YEATS2: variants seen among roughly 807,000 people sequenced by gnomAD.
YEATS2 encodes the protein YEATS domain containing 2.
Under a neutral mutation model 163.2 loss-of-function variants are expected in YEATS2, and 77 were observed. The observed-to-expected ratio is 0.47, with a 90% CI of 0.39 to 0.57. YEATS2 has a LOEUF of 0.57. Ranked by LOEUF, YEATS2 falls within the 20% of genes least tolerant of loss-of-function variation. The probability of loss-of-function intolerance (pLI) is 0.00; values close to 1 mark genes in which losing one functional copy is unlikely to be tolerated. For missense variants in YEATS2, 1,549 were observed against 1,729.8 expected (o/e 0.90, Z 1.85); for synonymous variants, 631 against 645.1 (o/e 0.98, Z 0.33).
chr3:183,742,689 C>T (rs1719100610), intron 8 of YEATS2, among the ~76,000 whole-genome samples: 1 of 151,056 alleles, frequency 6.6e-6, no homozygotes, highest in South Asian at 2.1e-4. Flanking sequence ...CATAAACTTA[C>T]TTAATAAAGC....
intron 1 of YEATS2, among the ~76,000 whole-genome samples, chr3:183,703,632 A>G (rs534394545): frequency 2.0e-5 from 3 of 152,270 alleles, no homozygotes; most frequent in Non-Finnish European, 4.4e-5. Context: ...TAGGTGGAGA[A>G]ATTTTAATTG....
rs1188666665 is a variant in YEATS2 at position 183,756,491 on chromosome 3, T to C, written c.1391-37T>C. 2.0e-6 allele frequency: 3 copies of C among 1,508,332 alleles called. No homozygotes were observed. In the African/African-American group the frequency reaches 4.2e-5, roughly 21 times the overall value. 93.4% of individuals were successfully genotyped at this position (1,508,332 alleles called of 1,614,324 possible). A position where few individuals can be genotyped will look rare whatever the true frequency, so the allele number is the denominator to read the frequency against. On this transcript the variant is annotated intron_variant, in intron 11 of 30. Coordinates refer to ENST00000305135, the MANE Select transcript of YEATS2 (RefSeq NM_018023.5). ...CATCTTCTTACGTGAGTTGAATATG[T>C]GTATTTTGTTTGTATTCTCTCTTTT...
chr3:183,712,764 A>ATT (rs35062693), intron 1 of YEATS2, among the ~76,000 whole-genome samples: 22,201 of 146,332 alleles, frequency 0.15, 1,908 homozygotes, highest in South Asian at 0.2. Flanking sequence ...ACTAATACAA[A>ATT]TTTTTTTTTT....
intron 23 of YEATS2, among the ~76,000 whole-genome samples, chr3:183,799,347 G>A (rs970657266): frequency 2.6e-5 from 4 of 152,212 alleles, no homozygotes; most frequent in African/African-American, 9.7e-5. Context: ...CAGGGTTGAC[G>A]GGGTGTGGAG....
chr3:183,740,321 G>C (rs1457368008), intron 8 of YEATS2, among the ~76,000 whole-genome samples: 1 of 152,002 alleles, frequency 6.6e-6, no homozygotes, highest in African/African-American at 2.4e-5. Context: ...CTCAAAAGAA[G>C]ACATTTATGC....
chr3:183,769,919 T>A (rs1303043774), intron 15 of YEATS2, among the ~76,000 whole-genome samples: 13 of 151,230 alleles, frequency 8.6e-5, no homozygotes, highest in African/African-American at 3.1e-4. Context: ...TCTCTTGACC[T>A]TGTGATCCGC....
At chr3:183,795,819 T>G (rs1436733062) in intron 21 of YEATS2, among the ~76,000 whole-genome samples, 1 of 152,122 alleles carries the variant, frequency 6.6e-6, no homozygotes, top group African/African-American at 2.4e-5. Flanking sequence ...AGATCCTGTC[T>G]CTGGAAGTAT....
rs73884599 is a variant in YEATS2 at position 183,715,156 on chromosome 3, T to G, written c.-7T>G. The G allele has an allele frequency of 9.1e-4, 1,451 of 1,601,498 alleles. 14 individuals carry two copies. In the African/African-American group the frequency reaches 0.017, roughly 18 times the overall value. On this transcript the variant is annotated 5_prime_UTR_variant, in exon 2 of 31. It removes an upstream start codon present in the reference 5' UTR. Coordinates refer to ENST00000305135, the MANE Select transcript of YEATS2 (RefSeq NM_018023.5). The stretch of plus-strand genomic sequence containing the variant: ...CATTGCTTCACAGTGAAGAACTGAA[T>G]GTCATCATGTCTGGAATCAAGCGAA...
chr3:183,730,354 C>G (rs1222020810), intron 7 of YEATS2, among the ~76,000 whole-genome samples: 1 of 152,072 alleles, frequency 6.6e-6, no homozygotes, highest in Non-Finnish European at 1.5e-5. Context: ...CATGAGCTAC[C>G]ATGTCCGGCC....
chr3:183,775,717 A>G (rs987459643), intron 17 of YEATS2, among the ~76,000 whole-genome samples, 198 bp from the exon 18 acceptor site: 2 of 152,226 alleles, frequency 1.3e-5, no homozygotes, highest in Non-Finnish European at 2.9e-5. Context: ...TTGAAAGGAA[A>G]TAGATTTTGA....
At position 183,761,602 on chromosome 3, in the gene YEATS2, A is replaced by C. The variant is rs1721358161; in HGVS notation, c.1752A>C (p.Gly584=). ...QSPKPITGGL[G]AFTKVIIKQE... ...CCAAACCTATAACAGGAGGACTTGGAGCTTTCACAAAAGTGAGTATGTATT... is the reference window on the plus strand; with the variant it reads ...CCAAACCTATAACAGGAGGACTTGGCGCTTTCACAAAAGTGAGTATGTATT... The change falls in exon 14 of 31, where the codon GGA becomes GGC. Residue 584 remains glycine (G), a synonymous_variant. Transcript: ENST00000305135. 1 of 1,613,922 alleles carries C rather than the reference A, an allele frequency of 6.2e-7. No homozygotes were observed. The highest frequency in any genetic ancestry group is 1.3e-5 in the African/African-American group (1 of 74,926).
At chr3:183,806,037 C>T (rs768039933) in intron 27 of YEATS2, among the ~76,000 whole-genome samples, 5 of 151,982 alleles carry the variant, frequency 3.3e-5, no homozygotes, top group Non-Finnish European at 7.4e-5. Context: ...TGATTCCAAA[C>T]GGCCCCTAAC....
intron 8 of YEATS2, among the ~76,000 whole-genome samples, chr3:183,738,380 A>G (rs1169780353): frequency 6.6e-6 from 1 of 151,118 alleles, no homozygotes; most frequent in African/African-American, 2.4e-5. Context: ...TGTAAATGCA[A>G]AGGAAAAGTT....
intron 14 of YEATS2, 39 bp from the exon 15 acceptor site, chr3:183,762,058 T>TTA: frequency 3.1e-6 from 5 of 1,613,614 alleles, no homozygotes; most frequent in Non-Finnish European, 4.2e-6. Context: ...AATGGGATGT[T>TTA]TATGGATGTT....
chr3:183,727,125 T>G (rs1560240168), intron 6 of YEATS2, among the ~76,000 whole-genome samples: 1 of 152,048 alleles, frequency 6.6e-6, no homozygotes, highest in Non-Finnish European at 1.5e-5. Context: ...ACCCTAACAG[T>G]ATATATTTAG....
rs1176429941 is a variant in YEATS2, at chr3:183,707,678, A to ATTTTT, written c.-19-7447_-19-7443dup. On this transcript the variant is annotated intron_variant, in intron 1 of 30. Coordinates refer to ENST00000305135, the MANE Select transcript of YEATS2 (RefSeq NM_018023.5). ...ATTGTACTACTCCCCTTCCCCACCT[A>ATTTTT]TTTTTTTTTTTTTTTTTTTTTTTGA... Among the ~76,000 whole-genome samples the ATTTTT allele has an allele frequency of 8.6e-4, 91 of 106,110 alleles. 1 individual carries two copies. The highest frequency in any genetic ancestry group is 2.8e-3 in the African/African-American group (75 of 26,544). The allele number at this position is 106,110 out of a possible 152,430, so 69.6% of individuals were successfully genotyped here. A position where few individuals can be genotyped will look rare whatever the true frequency, so the allele number is the denominator to read the frequency against.
chr3:183,711,404 T>C (rs551722994), intron 1 of YEATS2, among the ~76,000 whole-genome samples: 67 of 134,734 alleles, frequency 5.0e-4, no homozygotes, highest in South Asian at 7.0e-4. Context: ...ACCCGGGAGG[T>C]GGAGCTTGCA....
At chr3:183,731,018 T>C (rs1717720565) in intron 7 of YEATS2, among the ~76,000 whole-genome samples, 1 of 151,988 alleles carries the variant, frequency 6.6e-6, no homozygotes, top group Non-Finnish European at 1.5e-5. Context: ...GAAAGTGGAA[T>C]AGGCTGGGCG....
intron 15 of YEATS2, among the ~76,000 whole-genome samples, chr3:183,768,974 A>G (rs566423400): frequency 6.6e-6 from 1 of 152,326 alleles, no homozygotes; most frequent in East Asian, 1.9e-4. Flanking sequence ...CTCCGTCTCA[A>G]AAAACAACAA....
Sources: allele counts gnomAD v4.1 joint callset (sites outside exome capture counted in the v4.1 genomes callset), GRCh38; gene constraint gnomAD v4.1.1; transcripts MANE v1.5; gene names NCBI Gene and HGNC (gene_info 2026-07-23, HGNC 2026-07-21).